LRP1B: variants seen among roughly 807,000 people sequenced by gnomAD.
The protein encoded by LRP1B is LDL receptor related protein 1B.
A neutral mutation model predicts 556.6 loss-of-function variants in LRP1B; 217 were observed. The observed-to-expected ratio is 0.39, with a 90% CI of 0.35 to 0.44. The LOEUF is 0.44. Among genes scored for constraint, LRP1B ranks in the 20% least tolerant of loss-of-function variants. The pLI is 1.00. For synonymous variants in LRP1B, 2,047 were observed against 1,865.8 expected (o/e 1.10, Z -2.50); for missense variants, 5,053 against 5,620.8 (o/e 0.90, Z 3.23).
At chr2:141,472,400 C>T (rs889567416) in intron 3 of LRP1B, among the ~76,000 whole-genome samples, 3 of 151,978 alleles carry the variant, frequency 2.0e-5, no homozygotes, top group Non-Finnish European at 4.4e-5. Flanking sequence ...ATTAGCCAAA[C>T]GTGGTACTGG....
At chr2:141,131,407 T>TTATATATATATATAAATATATATATATA (rs1701350392) in intron 7 of LRP1B, among the ~76,000 whole-genome samples, 4 of 110,684 alleles carry the variant, frequency 3.6e-5, no homozygotes, top group African/African-American at 1.5e-4. Flanking sequence ...ATGCATAAAG[T>TTATATATATATATAAATATATATATATA]TATATATATA....
intron 3 of LRP1B, among the ~76,000 whole-genome samples, chr2:141,302,518 T>C (rs1686434242): frequency 6.6e-6 from 1 of 152,102 alleles, no homozygotes; most frequent in Non-Finnish European, 1.5e-5. Context: ...GATAGCAGTC[T>C]CCTTCCTTTT....
intron 1 of LRP1B, among the ~76,000 whole-genome samples, chr2:142,031,330 A>ATCTTTTTT (rs1553506158): frequency 3.4e-5 from 4 of 117,050 alleles, no homozygotes; most frequent in African/African-American, 8.8e-5. Flanking sequence ...GATTATACTT[A>ATCTTTTTT]TTTTTTTTTT....
chr2:140,291,049 A>G (rs1683349172), intron 84 of LRP1B, among the ~76,000 whole-genome samples: 1 of 151,936 alleles, frequency 6.6e-6, no homozygotes, highest in Non-Finnish European at 1.5e-5. Flanking sequence ...ATATTCACAT[A>G]TTAGATAAAA....
In LRP1B at chr2:141,124,936, T is replaced by G. The variant is rs1430950857; in HGVS notation, c.1014-62663A>C. On this transcript the variant is annotated intron_variant, in intron 7 of 90. Transcript: ENST00000389484. ...GTGTCTGTTTTCTGGACCACTAACC[T>G]TCCACCTTTCCCTTTGTGGTGTGTC... Among the ~76,000 whole-genome samples the G allele has an allele frequency of 1.3e-5, 2 of 152,156 alleles. 1 individual carries two copies. The highest frequency in any genetic ancestry group is 4.1e-4 in the South Asian group (2 of 4,826).
At chr2:141,213,974 G>A (rs1449202391) in intron 6 of LRP1B, among the ~76,000 whole-genome samples, 1 of 152,044 alleles carries the variant, frequency 6.6e-6, no homozygotes, top group African/African-American at 2.4e-5. Context: ...CAAATACAAT[G>A]TAAATACTAT....
chr2:141,150,894 T>TGTGTGC (rs1437585046), intron 7 of LRP1B, among the ~76,000 whole-genome samples: 12 of 151,182 alleles, frequency 7.9e-5, no homozygotes, highest in African/African-American at 2.9e-4. Flanking sequence ...TGTGTGTGTG[T>TGTGTGC]GTGTGTGTGT....
At chr2:140,900,956 T>A (rs560592987) in intron 23 of LRP1B, among the ~76,000 whole-genome samples, 14 of 152,226 alleles carry the variant, frequency 9.2e-5, no homozygotes, top group Admixed American at 3.3e-4. Context: ...ACAAAATGAA[T>A]AGAGGTTCAT....
intron 2 of LRP1B, among the ~76,000 whole-genome samples, chr2:141,483,814 GTTT>G (rs974069674): frequency 6.6e-6 from 1 of 151,100 alleles, no homozygotes; most frequent in Non-Finnish European, 1.5e-5. Flanking sequence ...GGGGTTGTTT[GTTT>G]TTTTCTTGTA....
At chr2:140,484,983 C>G (rs1314207423) in intron 59 of LRP1B, among the ~76,000 whole-genome samples, 1 of 152,076 alleles carries the variant, frequency 6.6e-6, no homozygotes, top group African/African-American at 2.4e-5. Context: ...TGTGACTACC[C>G]CAACCACTGC....
intron 3 of LRP1B, among the ~76,000 whole-genome samples, chr2:141,376,264 GC>G (rs932606083): frequency 6.6e-6 from 1 of 152,080 alleles, no homozygotes; most frequent in Non-Finnish European, 1.5e-5. Flanking sequence ...TCAAGCCTGA[GC>G]CCCCAGTGAG....
chr2:140,657,540 A>G (rs112218830), intron 41 of LRP1B, among the ~76,000 whole-genome samples: 1 of 141,186 alleles, frequency 7.1e-6, no homozygotes, highest in Admixed American at 7.5e-5. Context: ...ATGGATGGAT[A>G]GATAGATATT....
chr2:141,117,612 G>A (rs1700938903), intron 7 of LRP1B, among the ~76,000 whole-genome samples: 1 of 151,972 alleles, frequency 6.6e-6, no homozygotes, highest in Non-Finnish European at 1.5e-5. Flanking sequence ...CGTGGTTAAG[G>A]AATGTTGAGC....
intron 87 of LRP1B, among the ~76,000 whole-genome samples, chr2:140,246,089 A>G (rs1681147801): frequency 6.6e-6 from 1 of 151,384 alleles, no homozygotes; most frequent in African/African-American, 2.4e-5. Context: ...GGGCAGAGAC[A>G]ACAAACAGGA....
At chr2:140,265,720 T>C (rs1444074019) in intron 86 of LRP1B, among the ~76,000 whole-genome samples, 1 of 152,008 alleles carries the variant, frequency 6.6e-6, no homozygotes, top group Non-Finnish European at 1.5e-5. Context: ...AAATAGTACA[T>C]ACTTACTTTT....
chr2:140,769,384 C>G (rs1689227239), intron 34 of LRP1B, 40 bp from the exon 35 acceptor site: 2 of 1,524,192 alleles, frequency 1.3e-6, no homozygotes, highest in Non-Finnish European at 1.8e-6. Flanking sequence ...AAGGGAAGCC[C>G]AGAATGAATA....
At chr2:141,930,853 T>A (rs1306351648) in intron 1 of LRP1B, among the ~76,000 whole-genome samples, 1 of 152,080 alleles carries the variant, frequency 6.6e-6, no homozygotes, top group South Asian at 2.1e-4. Context: ...CCAGAATCTC[T>A]TAGCCTTATA....
At chr2:141,309,615 A>G (rs1686733899) in intron 3 of LRP1B, among the ~76,000 whole-genome samples, 1 of 152,192 alleles carries the variant, frequency 6.6e-6, no homozygotes, top group Non-Finnish European at 1.5e-5. Flanking sequence ...TGATAGTTCT[A>G]GAAAACCAAA....
intron 13 of LRP1B, among the ~76,000 whole-genome samples, chr2:141,015,394 G>C (rs1185465678): frequency 2.6e-5 from 4 of 152,018 alleles, no homozygotes; most frequent in Non-Finnish European, 5.9e-5. Context: ...GGGGTTGCTT[G>C]GTTATAGAAA....
Sources: gnomAD v4.1 joint callset for allele counts (sites outside exome capture counted in the v4.1 genomes callset) on GRCh38, gnomAD v4.1.1 for gene constraint, MANE v1.5 for transcripts, NCBI Gene and HGNC (gene_info 2026-07-23, HGNC 2026-07-21) for gene names.